The following SLC25A36 variants were observed in gnomAD, a reference collection of about 807,000 sequenced individuals.
SLC25A36 encodes epididymis secretory sperm binding protein.
SLC25A36 carries 24 observed loss-of-function variants against 35.3 expected under a neutral mutation model. That is an observed-to-expected ratio of 0.68 (90% CI 0.49 to 0.96). The LOEUF is 0.96. SLC25A36 is among the 40% of genes least tolerant of loss of function. The pLI is 0.00. For synonymous variants in SLC25A36, 141 were observed against 132.2 expected, an observed-to-expected ratio of 1.07 and a Z score of -0.46; for missense variants, 294 against 381.1, an observed-to-expected ratio of 0.77 and a Z score of 1.90.
chr3:140,958,319 G>C (rs7643614), intron 2 of SLC25A36, among the ~76,000 whole-genome samples: 2 of 151,902 alleles, frequency 1.3e-5, no homozygotes, highest in Non-Finnish European at 2.9e-5. Flanking sequence ...ACTTACTCCA[G>C]GAAAGTCTTC....
intron 3 of SLC25A36, among the ~76,000 whole-genome samples, chr3:140,962,131 T>C (rs1443287801): frequency 6.6e-6 from 1 of 152,170 alleles, no homozygotes; most frequent in Non-Finnish European, 1.5e-5. Flanking sequence ...TTTCTAGAAA[T>C]GCATTGTTTA....
At position 140,941,866 on chromosome 3, in the gene SLC25A36, A is replaced by G. The variant is rs1934006324; in HGVS notation, c.-189A>G. On this transcript the variant is annotated 5_prime_UTR_variant, in exon 1 of 7. Transcript: ENST00000324194. ...CTGGTGAAGGGCGGCGCGCTTAGGC[A>G]GGCGGTGGCGCGGCTGGAGTGCCGC... 4.1e-6 allele frequency: 2 copies of G among 491,938 alleles called. No homozygotes were observed. Among genetic ancestry groups the G allele is most frequent in the South Asian group, 2.7e-5 (1 of 37,172 alleles). The allele number at this position is 491,938 out of a possible 1,614,324, so 30.5% of individuals were successfully genotyped here.
rs939134859 is a variant in SLC25A36, at chr3:140,980,307, T to C, written c.*3854T>C. 1.3e-5 allele frequency among the ~76,000 whole-genome samples: 2 copies of C among 152,350 alleles called. No individual in the cohort carries two copies. Among genetic ancestry groups the C allele is most frequent in the South Asian group, 2.1e-4 (1 of 4,832 alleles). ...CCAAATGAATCCACATAATGTTAGA[T>C]CAAAATACAAATGACAAAGATAAAA... is the stretch of plus-strand genomic sequence containing the variant. On this transcript the variant is annotated 3_prime_UTR_variant, in exon 7 of 7. Coordinates refer to ENST00000324194, the MANE Select transcript of SLC25A36 (RefSeq NM_001104647.3).
chr3:140,946,244 G>A (rs1934160933), intron 1 of SLC25A36, among the ~76,000 whole-genome samples: 1 of 152,166 alleles, frequency 6.6e-6, no homozygotes, highest in African/African-American at 2.4e-5. Context: ...ATCGAATGAT[G>A]ATGAATCTTA....
At chr3:140,953,824 G>A (rs920126764) in intron 1 of SLC25A36, among the ~76,000 whole-genome samples, 29 of 152,234 alleles carry the variant, frequency 1.9e-4, no homozygotes, top group Admixed American at 8.5e-4. Flanking sequence ...AAAAAATTTA[G>A]CTGTGCATGG....
intron 4 of SLC25A36, chr3:140,963,909 T>TA (rs1934695792): frequency 6.6e-6 from 1 of 151,990 alleles, no homozygotes; most frequent in Admixed American, 6.5e-5. Context: ...GCCATAAAGA[T>TA]AAACAGTTGG....
At position 140,942,053 on chromosome 3, in the gene SLC25A36, G is replaced by A. The variant is rs549375536; in HGVS notation, c.-2G>A. Reference sequence around the variant, plus strand: ...GCGGCCGGAGGACATGCGGGAGAGAGAATGAGCCAGAGGGACACGCTGGTG... The same window carrying A: ...GCGGCCGGAGGACATGCGGGAGAGAAAATGAGCCAGAGGGACACGCTGGTG... On this transcript the variant is annotated 5_prime_UTR_variant, in exon 1 of 7. Transcript: ENST00000324194. The A allele has an allele frequency of 2.0e-6, 3 of 1,488,112 alleles. No individual in the cohort carries two copies. Among genetic ancestry groups the A allele is most frequent in the Admixed American group, 4.1e-5 (2 of 48,824 alleles). The allele number at this position is 1,488,112 out of a possible 1,614,324, so 92.2% of individuals were successfully genotyped here.
intron 5 of SLC25A36, chr3:140,972,620 GAAA>G (rs367965465): frequency 6.7e-6 from 1 of 149,190 alleles, no homozygotes; most frequent in African/African-American, 2.5e-5. Context: ...TGTTAAAAAA[GAAA>G]AAAAAGAAAA....
At chr3:140,961,139 CTCTT>C (rs960039228) in intron 3 of SLC25A36, among the ~76,000 whole-genome samples, 1 of 151,980 alleles carries the variant, frequency 6.6e-6, no homozygotes, top group African/African-American at 2.4e-5. Flanking sequence ...GTTCTTTTCT[CTCTT>C]TAAGAAAATA....
intron 4 of SLC25A36, chr3:140,967,044 C>G: frequency 2.2e-6 from 1 of 456,296 alleles, no homozygotes; most frequent in Non-Finnish European, 4.4e-6. Context: ...CTCGTGAGTA[C>G]TGATCTGAGC....
intron 4 of SLC25A36, chr3:140,965,788 A>G (rs1934743115): frequency 6.6e-6 from 1 of 151,690 alleles, no homozygotes. Context: ...TTTCTCCTAC[A>G]CATGACCTTT....
chr3:140,955,260 T>TG (rs1289353928), intron 1 of SLC25A36, among the ~76,000 whole-genome samples: 2 of 151,736 alleles, frequency 1.3e-5, no homozygotes. Flanking sequence ...TGTGTGTGTG[T>TG]TTTTTTTATT....
At chr3:140,963,543 C>T (rs1017893414) in intron 4 of SLC25A36, 1 of 171,084 alleles carries the variant, frequency 5.8e-6, no homozygotes, top group African/African-American at 2.4e-5. Context: ...AGTTATGGAG[C>T]TGTAATTTAC....
intron 6 of SLC25A36, among the ~76,000 whole-genome samples, chr3:140,975,230 C>A (rs934626974): frequency 6.7e-6 from 1 of 150,152 alleles, no homozygotes; most frequent in East Asian, 2.0e-4. Flanking sequence ...GCCCCAGCCT[C>A]CCAAGTAGCT....
At chr3:140,951,503 A>T (rs759049017) in intron 1 of SLC25A36, among the ~76,000 whole-genome samples, 3 of 152,152 alleles carry the variant, frequency 2.0e-5, no homozygotes, top group Non-Finnish European at 2.9e-5. Flanking sequence ...ATTTTTTGAG[A>T]TGGAGTCTCG....
At chr3:140,957,029 T>C (rs1337908094) in intron 2 of SLC25A36, 2 of 167,966 alleles carry the variant, frequency 1.2e-5, no homozygotes, top group African/African-American at 4.8e-5. Flanking sequence ...CTTTCGTGTA[T>C]ATTTTTAATG....
intron 4 of SLC25A36, chr3:140,966,423 A>G (rs562306141): frequency 2.8e-5 from 7 of 249,610 alleles, no homozygotes; most frequent in Admixed American, 2.2e-4. Flanking sequence ...GCCATAGTGC[A>G]AAAGGTGAAA....
Position 140,976,557 on chromosome 3 carries a change from A to G in SLC25A36, c.*104A>G, listed in dbSNP as rs1935052638. ...CAGACAGAAGAAAAATAGTTTGGGAACATGTAACTATTCTAAGTGGAAGTT... is the reference window on the plus strand; with the variant it reads ...CAGACAGAAGAAAAATAGTTTGGGAGCATGTAACTATTCTAAGTGGAAGTT... On this transcript the variant is annotated 3_prime_UTR_variant, in exon 7 of 7. Coordinates refer to ENST00000324194, the MANE Select transcript of SLC25A36 (RefSeq NM_001104647.3). The G allele has an allele frequency of 1.1e-6, 1 of 919,068 alleles. No homozygotes were observed. The allele number at this position is 919,068 out of a possible 1,614,324, so 56.9% of individuals were successfully genotyped here. A position where few individuals can be genotyped will look rare whatever the true frequency, so the allele number is the denominator to read the frequency against.
At position 140,980,626 on chromosome 3, in the gene SLC25A36, A is replaced by G. The variant is rs1269188273; in HGVS notation, c.*4173A>G. 3.3e-5 allele frequency among the ~76,000 whole-genome samples: 5 copies of G among 151,976 alleles called. No individual in the cohort carries two copies. Among genetic ancestry groups the G allele is most frequent in the African/African-American group, 1.2e-4 (5 of 41,354 alleles). On this transcript the variant is annotated 3_prime_UTR_variant, in exon 7 of 7. Coordinates refer to ENST00000324194, the MANE Select transcript of SLC25A36 (RefSeq NM_001104647.3). ...TAATTTGTGAGTTCATGATTTCTTA[A>G]GGTTCTAGTGTGACATTTATACACT...
Sources: allele counts gnomAD v4.1 joint callset (sites outside exome capture counted in the v4.1 genomes callset), GRCh38; gene constraint gnomAD v4.1.1; transcripts MANE v1.5; gene names NCBI Gene and HGNC (gene_info 2026-07-23, HGNC 2026-07-21).